Variants in CNTN5 observed in about 807,000 individuals in gnomAD.
CNTN5 encodes contactin 5.
A neutral mutation model predicts 129.1 loss-of-function variants in CNTN5; 77 were observed. The observed-to-expected ratio is 0.60, with a 90% CI of 0.50 to 0.72. The LOEUF (loss-of-function observed/expected upper bound fraction) is 0.72, where lower values mean the gene tolerates loss of function less well. Among genes scored for constraint, CNTN5 ranks in the 30% least tolerant of loss-of-function variants. CNTN5 has a pLI of 0.00. For synonymous variants in CNTN5, 509 were observed against 465.6 expected (o/e 1.09, Z -1.20); for missense variants, 1,478 against 1,328.8 (o/e 1.11, Z -1.75).
At chr11:99,812,514 A>G (rs1946459907) in intron 3 of CNTN5, among the ~76,000 whole-genome samples, 1 of 152,144 alleles carries the variant, frequency 6.6e-6, no homozygotes, top group South Asian at 2.1e-4. Flanking sequence ...CATAGTTTCA[A>G]CTGTTTTCTG....
intron 2 of CNTN5, among the ~76,000 whole-genome samples, chr11:99,475,029 GA>G (rs1463229965): frequency 6.6e-6 from 1 of 151,744 alleles, no homozygotes; most frequent in Non-Finnish European, 1.5e-5. Context: ...CCACCCTCAT[GA>G]ATGTGGGATT....
chr11:99,883,841 T>C (rs1486522594), intron 6 of CNTN5, among the ~76,000 whole-genome samples: 1 of 152,214 alleles, frequency 6.6e-6, no homozygotes, highest in African/African-American at 2.4e-5. Flanking sequence ...ACTCACTATA[T>C]GTTAATCAAA....
At chr11:99,759,801 G>T (rs188908659) in intron 3 of CNTN5, among the ~76,000 whole-genome samples, 56 of 152,138 alleles carry the variant, frequency 3.7e-4, no homozygotes, top group Admixed American at 1.2e-3. Flanking sequence ...GCATTTAAAA[G>T]AAAGAAAACT....
intron 3 of CNTN5, among the ~76,000 whole-genome samples, chr11:99,642,109 A>G (rs181468735): frequency 9.9e-5 from 15 of 152,284 alleles, no homozygotes; most frequent in Admixed American, 2.6e-4. Context: ...TACTTAAGAG[A>G]ATGAAAGAGT....
At position 99,334,260 on chromosome 11, in the gene CNTN5, G is replaced by T. The variant is rs368106989; in HGVS notation, c.-71+8776G>T. Among the ~76,000 whole-genome samples, 5 of 152,048 alleles carry T rather than the reference G, an allele frequency of 3.3e-5. No homozygotes were observed. In the East Asian group the frequency reaches 9.6e-4, roughly 29 times the overall value. On this transcript the variant is annotated intron_variant, in intron 2 of 24. Coordinates refer to ENST00000524871, the MANE Select transcript of CNTN5 (RefSeq NM_014361.4). ...ATGTGAGAAGATAGATGGGCCTCTA[G>T]AAATACACACAGGACTATTCAATGA... is the stretch of plus-strand genomic sequence containing the variant.
chr11:99,224,656 C>CTTTTT (rs1860579878), intron 1 of CNTN5, among the ~76,000 whole-genome samples: 3 of 38,022 alleles, frequency 7.9e-5, no homozygotes, highest in African/African-American at 1.2e-4. Flanking sequence ...CCCAAGGTTG[C>CTTTTT]ATTTTTTTTT....
chr11:100,354,095 C>T (rs1380433512), intron 24 of CNTN5, among the ~76,000 whole-genome samples: 1 of 151,586 alleles, frequency 6.6e-6, no homozygotes, highest in Non-Finnish European at 1.5e-5. Context: ...AGCAAGTTTA[C>T]AGCCTTTCTA....
chr11:99,087,057 T>G (rs1866035654), intron 1 of CNTN5, among the ~76,000 whole-genome samples: 1 of 152,198 alleles, frequency 6.6e-6, no homozygotes, highest in Admixed American at 6.5e-5. Flanking sequence ...TGAATCTGGC[T>G]GTGGGTTTTT....
At chr11:99,591,351 T>TC in intron 3 of CNTN5, among the ~76,000 whole-genome samples, 1 of 148,272 alleles carries the variant, frequency 6.7e-6, no homozygotes, top group Non-Finnish European at 1.5e-5. Context: ...TTTTTTTTTT[T>TC]TTTTGAGACA....
At chr11:99,189,401 T>G (rs1858519237) in intron 1 of CNTN5, among the ~76,000 whole-genome samples, 1 of 151,592 alleles carries the variant, frequency 6.6e-6, no homozygotes, top group African/African-American at 2.4e-5. Flanking sequence ...CTTTTAAAAA[T>G]GAGTGGGATT....
intron 16 of CNTN5, among the ~76,000 whole-genome samples, chr11:100,251,786 A>G (rs1949967771): frequency 6.6e-6 from 1 of 152,156 alleles, no homozygotes; most frequent in Admixed American, 6.6e-5. Flanking sequence ...TCCATGGTGT[A>G]TATATATCAC....
intron 2 of CNTN5, among the ~76,000 whole-genome samples, chr11:99,329,992 G>A (rs1591531220): frequency 6.6e-6 from 1 of 150,882 alleles, no homozygotes; most frequent in Admixed American, 6.6e-5. Flanking sequence ...TCTGAAAAGT[G>A]TTTAGCAGAT....
chr11:99,585,825 A>G (rs1274001083), intron 3 of CNTN5, among the ~76,000 whole-genome samples: 1 of 152,168 alleles, frequency 6.6e-6, no homozygotes, highest in Non-Finnish European at 1.5e-5. Context: ...TAATTCATAA[A>G]GAATTTGGAC....
intron 15 of CNTN5, among the ~76,000 whole-genome samples, chr11:100,205,789 A>G (rs1948900387): frequency 1.3e-5 from 2 of 152,130 alleles, no homozygotes; most frequent in Non-Finnish European, 2.9e-5. Context: ...AGTATGCATT[A>G]GGTTATATGC....
chr11:99,307,834 G>A (rs1254992478), intron 1 of CNTN5, among the ~76,000 whole-genome samples: 2 of 152,112 alleles, frequency 1.3e-5, no homozygotes, highest in African/African-American at 2.4e-5. Context: ...AGAGGGCCAT[G>A]GGAATATTTT....
chr11:99,979,077 A>G (rs1192779699), intron 8 of CNTN5, among the ~76,000 whole-genome samples: 1 of 152,204 alleles, frequency 6.6e-6, no homozygotes, highest in Non-Finnish European at 1.5e-5. Flanking sequence ...TGTAAAGATT[A>G]GAATAATTAT....
rs139695000 is a variant in CNTN5 at position 99,982,023 on chromosome 11, A to T, written c.878-20011A>T. ...GTAGGATGGATCCATCGATGTAATT[A>T]TATACAGCTAAACATAATTACTGTG... is the stretch of plus-strand genomic sequence containing the variant. On this transcript the variant is annotated intron_variant, in intron 8 of 24. Transcript: ENST00000524871. Among the ~76,000 whole-genome samples the T allele has an allele frequency of 4.9e-3, 740 of 152,364 alleles. 7 individuals carry two copies. Among genetic ancestry groups the T allele is most frequent in the African/African-American group, 0.016 (659 of 41,588 alleles).
intron 3 of CNTN5, among the ~76,000 whole-genome samples, chr11:99,799,026 A>G (rs1187535656): frequency 6.6e-6 from 1 of 151,946 alleles, no homozygotes; most frequent in Non-Finnish European, 1.5e-5. Flanking sequence ...TCATGTAGCT[A>G]CTGTAGATGA....
At chr11:99,955,659 A>G (rs999122613) in intron 7 of CNTN5, among the ~76,000 whole-genome samples, 3 of 151,892 alleles carry the variant, frequency 2.0e-5, no homozygotes, top group African/African-American at 7.3e-5. Context: ...TCTCAGTTCA[A>G]GCCATTCTCC....
Sources: allele counts gnomAD v4.1 joint callset (sites outside exome capture counted in the v4.1 genomes callset), GRCh38; gene constraint gnomAD v4.1.1; transcripts MANE v1.5; gene names NCBI Gene and HGNC (gene_info 2026-07-23, HGNC 2026-07-21).